PPP2R3A: variants seen among roughly 807,000 people sequenced by gnomAD.
PPP2R3A encodes the protein serine/threonine-protein phosphatase 2A regulatory subunit B'' subunit alpha.
PPP2R3A carries 80 observed loss-of-function variants against 106.9 expected under a neutral mutation model. That is an observed-to-expected ratio of 0.75 (90% CI 0.62 to 0.90). The LOEUF (loss-of-function observed/expected upper bound fraction) is 0.90. PPP2R3A is among the 40% of genes least tolerant of loss of function. PPP2R3A has a pLI of 0.00. For synonymous variants in PPP2R3A, 483 were observed against 468.3 expected (o/e 1.03, Z -0.41); for missense variants, 1,386 against 1,350.4 (o/e 1.03, Z -0.41).
chr3:136,043,719 T>C (rs1271219475), intron 4 of PPP2R3A, among the ~76,000 whole-genome samples: 2 of 152,232 alleles, frequency 1.3e-5, no homozygotes, highest in African/African-American at 4.8e-5. Flanking sequence ...ATCAATAATA[T>C]TGCTTCAGCT....
rs142271243 is a variant in PPP2R3A, at chr3:136,110,898, A to G, written c.3329+4576A>G. Among the ~76,000 whole-genome samples, 289 of 152,354 alleles carry G rather than the reference A, an allele frequency of 1.9e-3. 1 individual carries two copies. The highest frequency in any genetic ancestry group is 0.01 in the Middle Eastern group (3 of 294). On this transcript the variant is annotated intron_variant, in intron 13 of 13. Transcript: ENST00000264977. ...GATAGGAAAGGTCTGAAGATCTACC[A>G]GAAAGAAAAAAACATTATCCATAAA... is the stretch of plus-strand genomic sequence containing the variant.
chr3:135,977,130 A>C (rs1180830864), intron 1 of PPP2R3A, among the ~76,000 whole-genome samples: 1 of 152,126 alleles, frequency 6.6e-6, no homozygotes, highest in Non-Finnish European at 1.5e-5. Context: ...ATAGTAGAAT[A>C]TTTGTAAAAC....
chr3:135,990,768 C>T (rs868037580), intron 1 of PPP2R3A, among the ~76,000 whole-genome samples: 2 of 152,192 alleles, frequency 1.3e-5, no homozygotes, highest in Middle Eastern at 3.4e-3. Flanking sequence ...CTAGACTCTT[C>T]TGAGGCCTTC....
intron 2 of PPP2R3A, chr3:136,023,120 G>A: frequency 6.2e-7 from 1 of 1,613,544 alleles, no homozygotes; most frequent in Non-Finnish European, 8.5e-7. Context: ...TAAGGGGAGA[G>A]CTAGCTTTCC....
At chr3:135,973,607 T>C (rs1385352446) in intron 1 of PPP2R3A, among the ~76,000 whole-genome samples, 1 of 152,224 alleles carries the variant, frequency 6.6e-6, no homozygotes, top group Non-Finnish European at 1.5e-5. Flanking sequence ...TATTGAGGAA[T>C]GTCTATTCTA....
intron 6 of PPP2R3A, among the ~76,000 whole-genome samples, chr3:136,072,118 A>AT (rs1161807571): frequency 6.6e-6 from 1 of 151,742 alleles, no homozygotes; most frequent in Non-Finnish European, 1.5e-5. Flanking sequence ...ATAAAATTTA[A>AT]TTTTTTGTTT....
chr3:136,100,513 TA>T (rs778637778), intron 10 of PPP2R3A, among the ~76,000 whole-genome samples: 2,389 of 138,980 alleles, frequency 0.017, 29 homozygotes, highest in African/African-American at 0.028. Context: ...CGTCTCTCCT[TA>T]AAAAAAAAAA....
intron 13 of PPP2R3A, among the ~76,000 whole-genome samples, chr3:136,133,933 A>G (rs1295397844): frequency 6.6e-6 from 1 of 151,188 alleles, no homozygotes; most frequent in Non-Finnish European, 1.5e-5. Flanking sequence ...TGCACTGAAC[A>G]CTTAAAATTG....
intron 13 of PPP2R3A, among the ~76,000 whole-genome samples, chr3:136,118,986 G>T (rs1937887946): frequency 6.6e-6 from 1 of 152,144 alleles, no homozygotes. Context: ...CAAGGCTACA[G>T]TAACAAAAAC....
chr3:136,118,906 T>C (rs1452126031), intron 13 of PPP2R3A, among the ~76,000 whole-genome samples: 4 of 152,138 alleles, frequency 2.6e-5, no homozygotes, highest in Non-Finnish European at 4.4e-5. Context: ...AGAGCCCACA[T>C]TGCCAAGCCA....
intron 13 of PPP2R3A, among the ~76,000 whole-genome samples, chr3:136,139,619 G>A (rs973688515): frequency 2.0e-5 from 3 of 151,102 alleles, no homozygotes; most frequent in Admixed American, 1.3e-4. Flanking sequence ...CTTGAACCTC[G>A]GAGGCAGAGG....
chr3:136,145,257 A>G lies in PPP2R3A; in HGVS notation c.*91A>G, dbSNP rs933746899. 51 of 1,439,598 alleles carry G rather than the reference A, an allele frequency of 3.5e-5. No individual in the cohort carries two copies. Among genetic ancestry groups the G allele is most frequent in the Non-Finnish European group, 6.5e-6 (7 of 1,080,966 alleles). 89.2% of individuals were successfully genotyped at this position (1,439,598 alleles called of 1,614,324 possible). ...CTCGTTTGCATACTGCTTTTTAAAGACTTTGATTTCTCCAAGTGTGTATCA... is the reference window on the plus strand; with the variant it reads ...CTCGTTTGCATACTGCTTTTTAAAGGCTTTGATTTCTCCAAGTGTGTATCA... On this transcript the variant is annotated 3_prime_UTR_variant, in exon 14 of 14. Coordinates refer to ENST00000264977, the MANE Select transcript of PPP2R3A (RefSeq NM_002718.5).
intron 1 of PPP2R3A, among the ~76,000 whole-genome samples, chr3:135,975,188 T>TA (rs1937381953): frequency 6.6e-6 from 1 of 152,160 alleles, no homozygotes; most frequent in Non-Finnish European, 1.5e-5. Context: ...CTGGCAGCAG[T>TA]ATTGAGATCC....
chr3:135,974,755 C>A lies in PPP2R3A; in HGVS notation c.-441+8906C>A, dbSNP rs72979701. 7.4e-3 allele frequency among the ~76,000 whole-genome samples: 1,122 copies of A among 152,360 alleles called. 13 individuals are homozygous for A. Among genetic ancestry groups the A allele is most frequent in the African/African-American group, 0.026 (1,099 of 41,586 alleles). On this transcript the variant is annotated intron_variant, in intron 1 of 13. Coordinates refer to ENST00000264977, the MANE Select transcript of PPP2R3A (RefSeq NM_002718.5). Reference sequence around the variant, plus strand: ...CCTAGACTGAGCACTAAGGCTATCCCCTTCCTCTTGTTTGTTTATTCATCT... The same window carrying A: ...CCTAGACTGAGCACTAAGGCTATCCACTTCCTCTTGTTTGTTTATTCATCT...
intron 13 of PPP2R3A, 56 bp from the exon 14 acceptor site, chr3:136,144,987 T>G: frequency 3.8e-6 from 6 of 1,572,744 alleles, no homozygotes; most frequent in Non-Finnish European, 5.2e-6. Context: ...CATATTGATT[T>G]CTACCCAAAC....
At chr3:136,049,588 G>C (rs988825228) in intron 5 of PPP2R3A, among the ~76,000 whole-genome samples, 4 of 143,148 alleles carry the variant, frequency 2.8e-5, no homozygotes, top group African/African-American at 1.1e-4. Context: ...AGTAGTAAAA[G>C]AGCTACTCCT....
intron 5 of PPP2R3A, among the ~76,000 whole-genome samples, chr3:136,069,229 G>A (rs1349870936): frequency 6.6e-6 from 1 of 152,208 alleles, no homozygotes. Flanking sequence ...GAAGCTGGGA[G>A]AGGAGCATAG....
At chr3:136,098,270 T>TG (rs1337435133) in intron 10 of PPP2R3A, among the ~76,000 whole-genome samples, 1 of 152,216 alleles carries the variant, frequency 6.6e-6, no homozygotes, top group African/African-American at 2.4e-5. Flanking sequence ...GAGCCATGAT[T>TG]GCAGTACTGC....
At chr3:135,978,427 C>T (rs192796796) in intron 1 of PPP2R3A, among the ~76,000 whole-genome samples, 1 of 150,758 alleles carries the variant, frequency 6.6e-6, no homozygotes, top group East Asian at 1.9e-4. Flanking sequence ...AAGTGGATTT[C>T]TTGAAAAATA....
Sources: gnomAD v4.1 joint callset for allele counts (sites outside exome capture counted in the v4.1 genomes callset) on GRCh38, gnomAD v4.1.1 for gene constraint, MANE v1.5 for transcripts, NCBI Gene and HGNC (gene_info 2026-07-23, HGNC 2026-07-21) for gene names.